MRTFB: variants seen among roughly 807,000 people sequenced by gnomAD.
MRTFB encodes myocardin-related transcription factor B.
In MRTFB, 29 loss-of-function variants were observed where a neutral mutation model predicts 104.2. That is an observed-to-expected ratio of 0.28 (90% confidence interval 0.21 to 0.38). The LOEUF (loss-of-function observed/expected upper bound fraction) is 0.38, where lower values mean the gene tolerates loss of function less well. Ranked by LOEUF, MRTFB falls within the 10% of genes least tolerant of loss-of-function variation. MRTFB has a pLI of 1.00. For missense variants in MRTFB, 1,270 were observed against 1,341.6 expected, an observed-to-expected ratio of 0.95 and a Z score of 0.83; for synonymous variants, 535 against 519.5, an observed-to-expected ratio of 1.03 and a Z score of -0.41.
intron 9 of MRTFB, among the ~76,000 whole-genome samples, 197 bp downstream of exon 9, chr16:14,234,480 G>A (rs2042409835): frequency 6.6e-6 from 1 of 152,150 alleles, no homozygotes; most frequent in Non-Finnish European, 1.5e-5. Context: ...ATAGAAAAAT[G>A]GCACAAATTT....
At chr16:14,077,933 A>G (rs2034162695) in intron 1 of MRTFB, among the ~76,000 whole-genome samples, 1 of 152,182 alleles carries the variant, frequency 6.6e-6, no homozygotes, top group African/African-American at 2.4e-5. Flanking sequence ...AGGACAATTA[A>G]TGTACCTGAA....
the MRTFB span, among the ~76,000 whole-genome samples, chr16:14,027,863 G>A: frequency 2.0e-5 from 3 of 152,208 alleles, no homozygotes; most frequent in Admixed American, 1.3e-4. Context: ...TTACCATGGT[G>A]TGTAGCAAAT....
chr16:14,235,422 G>A (rs991028516), intron 9 of MRTFB, among the ~76,000 whole-genome samples: 5 of 152,154 alleles, frequency 3.3e-5, no homozygotes, highest in African/African-American at 1.2e-4. Flanking sequence ...CGGCACAGAG[G>A]GTCTGCGTGC....
chr16:14,150,936 A>G (rs1307475981), intron 3 of MRTFB: 3 of 152,236 alleles, frequency 2.0e-5, no homozygotes, highest in Non-Finnish European at 4.4e-5. Flanking sequence ...AGCTTAAGGT[A>G]CTGCACTACA....
chr16:14,095,621 C>G (rs2035316932), intron 2 of MRTFB, among the ~76,000 whole-genome samples: 1 of 152,188 alleles, frequency 6.6e-6, no homozygotes, highest in Admixed American at 6.5e-5. Flanking sequence ...CATCAGGCAT[C>G]ATTTCACCAT....
intron 3 of MRTFB, among the ~76,000 whole-genome samples, chr16:14,173,721 G>T (rs1312869430): frequency 1.3e-5 from 2 of 152,052 alleles, no homozygotes; most frequent in Non-Finnish European, 2.9e-5. Flanking sequence ...TAGAACTTTT[G>T]ATATCATCAC....
chr16:14,203,956 T>C (rs538388520), intron 3 of MRTFB, among the ~76,000 whole-genome samples: 12 of 152,122 alleles, frequency 7.9e-5, no homozygotes, highest in African/African-American at 2.9e-4. Context: ...AGGTTTTGTT[T>C]TGTGTGTTTA....
In MRTFB at chr16:14,249,132, C is replaced by T. The variant is rs141985714; in HGVS notation, c.2403+51C>T. The T allele has an allele frequency of 1.4e-3, 2,269 of 1,584,266 alleles. 18 individuals are homozygous for T. Among genetic ancestry groups the T allele is most frequent in the African/African-American group, 8.2e-3 (605 of 74,132 alleles). On this transcript the variant is annotated intron_variant, in intron 13 of 16. Transcript: ENST00000571589. ...AATGTCGCTGATTTTTACCATCCTC[C>T]GATCATCCATTCAACAAGCATCTTT...
chr16:14,003,573 A>G, the MRTFB span, among the ~76,000 whole-genome samples: 1 of 151,894 alleles, frequency 6.6e-6, no homozygotes, highest in African/African-American at 2.4e-5. Flanking sequence ...CTGGCAGGGA[A>G]GACCACTGCT....
intron 2 of MRTFB, among the ~76,000 whole-genome samples, chr16:14,125,672 G>A (rs1214147096): frequency 6.6e-6 from 1 of 152,186 alleles, no homozygotes. Flanking sequence ...CTTGTTTCAT[G>A]AAATTGTTGG....
chr16:14,221,689 A>G (rs146292751), intron 8 of MRTFB, among the ~76,000 whole-genome samples: 1 of 152,168 alleles, frequency 6.6e-6, no homozygotes, highest in Non-Finnish European at 1.5e-5. Flanking sequence ...ACTCATTGTA[A>G]GAGTTTGATG....
the MRTFB span, among the ~76,000 whole-genome samples, chr16:14,034,996 G>A: frequency 6.6e-6 from 1 of 152,154 alleles, no homozygotes; most frequent in Non-Finnish European, 1.5e-5. Context: ...GGGAGGGTAT[G>A]TCTATGTCTT....
Position 14,187,094 on chromosome 16 carries a change from G to A in MRTFB, c.155-23149G>A, listed in dbSNP as rs2039982767. ...AAATTCATATTCTGGTCAGCCAGCT[G>A]AGCGTGTCTGTCTGTTACCATGCTA... On this transcript the variant is annotated intron_variant, in intron 3 of 16. Coordinates refer to ENST00000571589, the MANE Select transcript of MRTFB (RefSeq NM_001308142.2). 5 of 1,409,634 alleles carry A rather than the reference G, an allele frequency of 3.5e-6. No homozygotes were observed. In the South Asian group the frequency reaches 5.0e-5, roughly 14 times the overall value. The allele number at this position is 1,409,634 out of a possible 1,614,324, so 87.3% of individuals were successfully genotyped here. A position where few individuals can be genotyped will look rare whatever the true frequency, so the allele number is the denominator to read the frequency against.
chr16:14,218,395 G>T (rs1450662761), intron 7 of MRTFB, among the ~76,000 whole-genome samples: 1 of 152,118 alleles, frequency 6.6e-6, no homozygotes, highest in Non-Finnish European at 1.5e-5. Flanking sequence ...TTTCCTGTCA[G>T]GATCCAAACA....
At chr16:14,179,382 A>C (rs2039692573) in intron 3 of MRTFB, among the ~76,000 whole-genome samples, 1 of 152,152 alleles carries the variant, frequency 6.6e-6, no homozygotes, top group South Asian at 2.1e-4. Flanking sequence ...ACATATTCTC[A>C]CAGTGTCTGG....
chr16:14,236,092 G>T (rs892267805), intron 9 of MRTFB, among the ~76,000 whole-genome samples: 1 of 152,078 alleles, frequency 6.6e-6, no homozygotes, highest in Non-Finnish European at 1.5e-5. Context: ...GAGGTGGGAG[G>T]ATCACTTGAG....
the MRTFB span, among the ~76,000 whole-genome samples, chr16:14,026,817 T>C: frequency 6.6e-5 from 10 of 152,202 alleles, no homozygotes; most frequent in African/African-American, 2.4e-4. Flanking sequence ...CATCTTTGGC[T>C]ATTAGGGAAT....
At chr16:14,018,173 C>A in the MRTFB span, among the ~76,000 whole-genome samples, 1 of 152,144 alleles carries the variant, frequency 6.6e-6, no homozygotes, top group South Asian at 2.1e-4. Flanking sequence ...AGTGTGGAAT[C>A]CAGAGGGCTT....
intron 2 of MRTFB, among the ~76,000 whole-genome samples, chr16:14,089,400 A>G (rs1200759476): frequency 2.0e-5 from 3 of 152,214 alleles, no homozygotes; most frequent in African/African-American, 7.2e-5. Context: ...ATGGAATCAT[A>G]AAAATATGTG....
Sources: gnomAD v4.1 joint callset for allele counts (sites outside exome capture counted in the v4.1 genomes callset) on GRCh38, gnomAD v4.1.1 for gene constraint, MANE v1.5 for transcripts, NCBI Gene and HGNC (gene_info 2026-07-23, HGNC 2026-07-21) for gene names.